DENND3: variants seen among roughly 807,000 people sequenced by gnomAD.
DENND3 encodes the protein DENN domain containing 3.
In DENND3, 88 loss-of-function variants were observed where a neutral mutation model predicts 135.1. The observed-to-expected ratio is 0.65, with a 90% confidence interval of 0.55 to 0.78. The LOEUF (loss-of-function observed/expected upper bound fraction) is 0.78, where lower values mean the gene tolerates loss of function less well. DENND3 is among the 30% of genes least tolerant of loss of function. The pLI is 0.00. For synonymous variants in DENND3, 693 were observed against 712.3 expected, an observed-to-expected ratio of 0.97 and a Z score of 0.43; for missense variants, 1,392 against 1,688.4, an observed-to-expected ratio of 0.82 and a Z score of 3.08.
intron 5 of DENND3, among the ~76,000 whole-genome samples, chr8:141,145,691 G>T (rs1817939777): frequency 6.6e-6 from 1 of 151,442 alleles, no homozygotes; most frequent in African/African-American, 2.4e-5. Context: ...TAGCATGTCA[G>T]TTCATAGCTC....
chr8:141,186,527 A>C (rs897775214), intron 18 of DENND3, among the ~76,000 whole-genome samples: 6 of 152,030 alleles, frequency 3.9e-5, no homozygotes, highest in Non-Finnish European at 7.4e-5. Context: ...TTTTTTTGCA[A>C]TCTTTTTCCT....
chr8:141,166,352 G>T lies in DENND3; in HGVS notation c.1716G>T (p.Arg572=), dbSNP rs909446176. ...TGGCACCCAGGAACTCCTCGCTCCG[G>T]CTGACGGACACCGCAGGCTGTAGGG... is the stretch of plus-strand genomic sequence containing the variant. ...PELAPRNSSL[R]LTDTAGCRGS... Residue 572 remains arginine (R), a synonymous_variant, in exon 12 of 23, where the codon CGG becomes CGT. Transcript: ENST00000519811. This position sits in a 1 kb window ranked among gnomAD's most constrained non-coding sequence, Gnocchi z 4.3. The T allele has an allele frequency of 6.2e-6, 10 of 1,613,080 alleles. No homozygotes were observed. The highest frequency in any genetic ancestry group is 5.3e-5 in the African/African-American group (4 of 74,922).
chr8:141,189,431 G>A (rs1277026947), intron 19 of DENND3, among the ~76,000 whole-genome samples: 1 of 152,230 alleles, frequency 6.6e-6, no homozygotes, highest in Non-Finnish European at 1.5e-5. Context: ...GCCCCGAGAG[G>A]GCACAGCCTC....
rs1409447519 is a variant in DENND3 at position 141,137,907 on chromosome 8, C to T, written c.386-115C>T. The T allele has an allele frequency of 2.0e-6, 2 of 1,021,808 alleles. No individual in the cohort carries two copies. The highest frequency in any genetic ancestry group is 1.6e-5 in the African/African-American group (1 of 62,356). The allele number at this position is 1,021,808 out of a possible 1,614,324, so 63.3% of individuals were successfully genotyped here. ...AATGAACCCGCCTTGGACATGAAGG[C>T]ACCACCACTGCTAACTGTGGAGGTG... On this transcript the variant is annotated intron_variant, in intron 2 of 22. Transcript: ENST00000519811. This position sits in a 1 kb window ranked among gnomAD's most constrained non-coding sequence, Gnocchi z 4.1.
intron 19 of DENND3, among the ~76,000 whole-genome samples, chr8:141,189,909 G>A (rs1480971245): frequency 1.3e-5 from 2 of 152,192 alleles, no homozygotes; most frequent in African/African-American, 4.8e-5. Context: ...GGTCCCTTGT[G>A]TGAACGGGGA....
In DENND3 at chr8:141,154,907, A is replaced by C. The variant is rs1276911813; in HGVS notation, c.1075-942A>C. On this transcript the variant is annotated intron_variant, in intron 7 of 22. Transcript: ENST00000519811. This position sits in a 1 kb window ranked among gnomAD's most constrained non-coding sequence, Gnocchi z 4.4. ...AAAGAGAAAGGCATATGGGTAAGCA[A>C]AATGTGGTCTTTCCAAATAATGGAC... 6.6e-6 allele frequency among the ~76,000 whole-genome samples: 1 copy of C among 152,180 alleles called. No individual in the cohort carries two copies. The highest frequency in any genetic ancestry group is 1.5e-5 in the Non-Finnish European group (1 of 68,028).
intron 1 of DENND3, chr8:141,129,921 T>C (rs905255881): frequency 6.6e-6 from 1 of 152,292 alleles, no homozygotes; most frequent in Non-Finnish European, 1.5e-5. Context: ...AATAGTTTCC[T>C]CGTTTCCCTC....
At chr8:141,136,909 TC>T in intron 2 of DENND3, 118 bp downstream of exon 2, 1 of 981,222 alleles carries the variant, frequency 1.0e-6, no homozygotes, top group Non-Finnish European at 1.4e-6. Context: ...CAGGGACCCC[TC>T]ACTGCCTCCT....
intron 18 of DENND3, 96 bp from the exon 19 acceptor site, chr8:141,188,890 T>C (rs1824294513): frequency 1.0e-5 from 15 of 1,470,618 alleles, no homozygotes; most frequent in African/African-American, 1.4e-5. Context: ...AGTGGTTCCA[T>C]ATCCGCTAAT....
At chr8:141,180,225 A>G (rs1368717935) in intron 16 of DENND3, among the ~76,000 whole-genome samples, 1 of 152,218 alleles carries the variant, frequency 6.6e-6, no homozygotes, top group Admixed American at 6.5e-5. Context: ...ATGATGCTCC[A>G]CATCCCATGG....
At chr8:141,142,227 A>G in intron 4 of DENND3, 1 of 377,792 alleles carries the variant, frequency 2.6e-6, no homozygotes, top group South Asian at 2.0e-5. Flanking sequence ...CCCAGTGGGC[A>G]CTTGTGCACG....
Position 141,194,368 on chromosome 8 carries a change from T to G in DENND3, c.*135T>G. 1 of 1,100,910 alleles carries G rather than the reference T, an allele frequency of 9.1e-7. No homozygotes were observed. The highest frequency in any genetic ancestry group is 1.5e-5 in the South Asian group (1 of 65,434). 68.2% of individuals were successfully genotyped at this position (1,100,910 alleles called of 1,614,324 possible). ...GGCTCAGCATGGAGCCCACTTACCG[T>G]GTGGCCAGCCGCGAGACCCATGGCC... On this transcript the variant is annotated 3_prime_UTR_variant, in exon 23 of 23. Coordinates refer to ENST00000519811, the MANE Select transcript of DENND3 (RefSeq NM_001352890.3).
At chr8:141,160,100 T>C (rs1318129264) in intron 8 of DENND3, among the ~76,000 whole-genome samples, 3 of 151,416 alleles carry the variant, frequency 2.0e-5, no homozygotes, top group African/African-American at 4.9e-5. Flanking sequence ...CTGGGTGAAG[T>C]GTGCATAGTC....
Position 141,174,971 on chromosome 8 carries a change from G to T in DENND3, c.2276-229G>T, listed in dbSNP as rs578028545. ...CCAGAGCGGGCGGCTGGAAAGGGCT[G>T]CGGGCTCAGCCTAGATCGTGTGCCC... On this transcript the variant is annotated intron_variant, in intron 13 of 22. Transcript: ENST00000519811. This position sits in a 1 kb window ranked among gnomAD's most constrained non-coding sequence, Gnocchi z 4.6. 3.0e-4 allele frequency among the ~76,000 whole-genome samples: 45 copies of T among 152,346 alleles called. No individual in the cohort carries two copies. The highest frequency in any genetic ancestry group is 1.0e-3 in the African/African-American group (43 of 41,582).
intron 16 of DENND3, among the ~76,000 whole-genome samples, chr8:141,178,720 G>A (rs1822717770): frequency 6.6e-6 from 1 of 152,174 alleles, no homozygotes; most frequent in Admixed American, 6.5e-5. Flanking sequence ...TTCTTGATTG[G>A]GTCAGCTTCC....
At chr8:141,170,991 G>A (rs1453710122) in intron 13 of DENND3, among the ~76,000 whole-genome samples, 4 of 152,064 alleles carry the variant, frequency 2.6e-5, no homozygotes, top group African/African-American at 7.2e-5. Context: ...TCATGTGGCC[G>A]CCCAGTTGCA....
At chr8:141,147,147 C>T (rs1243547351) in intron 5 of DENND3, among the ~76,000 whole-genome samples, 3 of 152,186 alleles carry the variant, frequency 2.0e-5, no homozygotes, top group Non-Finnish European at 4.4e-5. Context: ...TCAGCCTCGC[C>T]GGACTACCTT....
At position 141,137,179 on chromosome 8, in the gene DENND3, C is replaced by T. The variant is rs1390667924; in HGVS notation, c.385+388C>T. On this transcript the variant is annotated intron_variant, in intron 2 of 22. Coordinates refer to ENST00000519811, the MANE Select transcript of DENND3 (RefSeq NM_001352890.3). This position sits in a 1 kb window ranked among gnomAD's most constrained non-coding sequence, Gnocchi z 4.1. ...GTCTTTAGTAGAAATGGGGTTTCAC[C>T]ATGTTGGCCAGGCTGGTCTTGAACT... 6.6e-6 allele frequency among the ~76,000 whole-genome samples: 1 copy of T among 152,034 alleles called. No individual in the cohort carries two copies. Among genetic ancestry groups the T allele is most frequent in the Non-Finnish European group, 1.5e-5 (1 of 68,008 alleles).
rs201228047 is a variant in DENND3 at position 141,136,775 on chromosome 8, G to T, written c.369G>T (p.Pro123=). The change falls in exon 2 of 23, where the codon CCG becomes CCT. Residue 123 remains proline, a synonymous_variant. Coordinates refer to ENST00000519811, the MANE Select transcript of DENND3 (RefSeq NM_001352890.3). ...VPGGVDLLTL[P]QLCFPGGVCV... ...GCGGCGTGGACCTCCTCACCCTGCC[G>T]CAGCTGTGCTTCCCAGGTATGTCTA... 6 of 1,579,130 alleles carry T rather than the reference G, an allele frequency of 3.8e-6. No individual in the cohort carries two copies. The South Asian group carries it at 4.6e-5, about 12-fold the overall frequency.
Sources: gnomAD v4.1 joint callset for allele counts (sites outside exome capture counted in the v4.1 genomes callset) on GRCh38, gnomAD v4.1.1 for gene constraint, Gnocchi (gnomAD v3.1) non-coding constraint, MANE v1.5 for transcripts, NCBI Gene and HGNC (gene_info 2026-07-23, HGNC 2026-07-21) for gene names.